MAN2C1: variants seen among roughly 807,000 people sequenced by gnomAD.
The protein encoded by MAN2C1 is alpha-mannosidase 2C1.
MAN2C1 carries 111 observed loss-of-function variants against 126.9 expected under a neutral mutation model. That is an observed-to-expected ratio of 0.87 (90% confidence interval 0.75 to 1.02). The LOEUF is 1.02. MAN2C1 is among the 50% of genes least tolerant of loss of function. The pLI, the probability that MAN2C1 is intolerant of heterozygous loss-of-function variation, is 0.00. For missense variants in MAN2C1, 1,363 were observed against 1,364.4 expected (o/e 1.00, Z 0.02); for synonymous variants, 567 against 561.5 (o/e 1.01, Z -0.14).
chr15:75,367,669 G>T (rs1555438338), intron 2 of MAN2C1, 35 bp from the exon 3 acceptor site: 1 of 1,613,152 alleles, frequency 6.2e-7, no homozygotes, highest in Non-Finnish European at 8.5e-7. Context: ...CCTAGAGGTA[G>T]AAGTCCTATC....
At position 75,362,789 on chromosome 15, in the gene MAN2C1, G is replaced by A. The variant is rs1489384718; in HGVS notation, c.791-41C>T. On this transcript the variant is annotated intron_variant, in intron 6 of 25. Coordinates refer to ENST00000267978, the MANE Select transcript of MAN2C1 (RefSeq NM_006715.4). This position sits in a 1 kb window ranked among gnomAD's most constrained non-coding sequence, Gnocchi z 4.5. ...GGTGGAGGACAGAGGGAGCAGCAAG[G>A]CTGACCAGGCCTGGGCTGGGACTCC... The A allele has an allele frequency of 6.4e-7, 1 of 1,564,050 alleles. No homozygotes were observed. The highest frequency in any genetic ancestry group is 1.7e-5 in the Admixed American group (1 of 59,532).
At position 75,356,611 on chromosome 15, in the gene MAN2C1, T is replaced by C. The variant is rs1256553700; in HGVS notation, c.2732A>G (p.His911Arg). 1 of 1,560,490 alleles carries C rather than the reference T, an allele frequency of 6.4e-7. No individual in the cohort carries two copies. The highest frequency in any genetic ancestry group is 1.4e-5 in the African/African-American group (1 of 73,736). The change falls in exon 23 of 26, where the codon CAC (histidine) becomes CGC (arginine). Residue 911 changes from histidine (H) to arginine (R), a missense_variant. His to Arg is a conservative substitution (Grantham distance 29). Transcript: ENST00000267978. This position sits in a 1 kb window ranked among gnomAD's most constrained non-coding sequence, Gnocchi z 5.8. ...CCACCGTCCCCAGCACTCACCCTTG[T>C]GCGGCATCAGTGCATAGGTGAACTC... ...RHEFTYALMP[H>R]KGSFQDAGVI...
rs763689053 is a variant in MAN2C1 at position 75,356,295 on chromosome 15, C to T, written c.2886+6G>A. 6.2e-7 allele frequency: 1 copy of T among 1,611,110 alleles called. No homozygotes were observed. Among genetic ancestry groups the T allele is most frequent in the Admixed American group, 1.7e-5 (1 of 59,688 alleles). On this transcript the variant is annotated splice_donor_region_variant and intron_variant, in intron 24 of 25. Transcript: ENST00000267978. The surrounding 1 kb of genome is among the most constrained non-coding windows in gnomAD (Gnocchi z 5.8). The stretch of plus-strand genomic sequence containing the variant: ...AACCCCGTCCCCAGCACGTCCCACC[C>T]CTTGCCTGCTTGACGGTCTCCAATA...
chr15:75,356,463 A>G lies in MAN2C1; in HGVS notation c.2738-14T>C, dbSNP rs751813753. The G allele has an allele frequency of 5.7e-6, 9 of 1,588,348 alleles. No individual in the cohort carries two copies. The highest frequency in any genetic ancestry group is 7.7e-6 in the Non-Finnish European group (9 of 1,168,802). Reference sequence around the variant, plus strand: ...CCTGGAAAGAGCCTGGGGTACGACCAGGAAACAATGCTGGTGGAGAATGGG... The same window carrying G: ...CCTGGAAAGAGCCTGGGGTACGACCGGGAAACAATGCTGGTGGAGAATGGG... On this transcript the variant is annotated splice_polypyrimidine_tract_variant and intron_variant, in intron 23 of 25. Transcript: ENST00000267978. This position sits in a 1 kb window ranked among gnomAD's most constrained non-coding sequence, Gnocchi z 5.8.
At position 75,364,093 on chromosome 15, in the gene MAN2C1, T is replaced by TG; in HGVS notation, c.695dup (p.Val233SerfsTer16). On this transcript the variant is annotated frameshift_variant, in exon 6 of 26. Transcript: ENST00000267978. LOFTEE classifies it high-confidence loss of function. ...ACCTGGAGGCCAGGGCCTGGGCCAC[T>TG]GGGAAGGTCTCGGGCTGGGCAGGGT... The TG allele has an allele frequency of 6.2e-7, 1 of 1,614,174 alleles. No homozygotes were observed. The highest frequency in any genetic ancestry group is 1.1e-5 in the South Asian group (1 of 91,088).
Position 75,356,710 on chromosome 15 carries a change from G to A in MAN2C1, c.2658-25C>T. The A allele has an allele frequency of 6.2e-7, 1 of 1,610,622 alleles. No homozygotes were observed. Among genetic ancestry groups the A allele is most frequent in the Non-Finnish European group, 8.5e-7 (1 of 1,178,534 alleles). On this transcript the variant is annotated intron_variant, in intron 22 of 25. Transcript: ENST00000267978. The surrounding 1 kb of genome is among the most constrained non-coding windows in gnomAD (Gnocchi z 5.8). ...GCTGGGGTGAGGAGGGCGCGTAGGG[G>A]CCACGCTGAAGCTGTTGGAGTTGTG...
In MAN2C1 at chr15:75,364,476, G is replaced by T; in HGVS notation, c.600+12C>A. On this transcript the variant is annotated intron_variant, in intron 5 of 25. Transcript: ENST00000267978. ...CTAGAGGGTAGCAGGGGGTACAGGG[G>T]GTGTCAAGTACCTTGGCTATGCCCA... The T allele has an allele frequency of 6.4e-7, 1 of 1,570,074 alleles. No individual in the cohort carries two copies. Among genetic ancestry groups the T allele is most frequent in the Non-Finnish European group, 8.6e-7 (1 of 1,156,810 alleles).
chr15:75,357,169 G>C (rs530259090), intron 21 of MAN2C1: 8 of 425,504 alleles, frequency 1.9e-5, no homozygotes, highest in South Asian at 8.6e-5. Context: ...TTTCACACAG[G>C]ATCTCAGTCT....
At chr15:75,365,562 T>TA in intron 4 of MAN2C1, 1 of 176,584 alleles carries the variant, frequency 5.7e-6, no homozygotes. Context: ...CCGTCTCTAC[T>TA]AAAAATACAA....
Position 75,356,906 on chromosome 15 carries a change from G to C in MAN2C1, c.2548-4C>G. The C allele has an allele frequency of 5.0e-6, 8 of 1,613,554 alleles. No individual in the cohort carries two copies. Among genetic ancestry groups the C allele is most frequent in the Non-Finnish European group, 6.8e-6 (8 of 1,179,602 alleles). Reference sequence around the variant, plus strand: ...CCATCCAGCGATGGGCCCACACCTGGAGGGCAGATCCAAGACCCACTTGGT... The same window carrying C: ...CCATCCAGCGATGGGCCCACACCTGCAGGGCAGATCCAAGACCCACTTGGT... On this transcript the variant is annotated splice_region_variant and splice_polypyrimidine_tract_variant and intron_variant, in intron 21 of 25. Coordinates refer to ENST00000267978, the MANE Select transcript of MAN2C1 (RefSeq NM_006715.4). This position sits in a 1 kb window ranked among gnomAD's most constrained non-coding sequence, Gnocchi z 5.8.
intron 19 of MAN2C1, 29 bp downstream of exon 19, chr15:75,358,675 A>C (rs1429283883): frequency 1.6e-6 from 2 of 1,254,064 alleles, no homozygotes. Context: ...CACCACCTCC[A>C]CCATCCCCAC....
chr15:75,358,278 C>A lies in MAN2C1; in HGVS notation c.2470G>T (p.Ala824Ser). The A allele has an allele frequency of 6.2e-7, 1 of 1,614,150 alleles. No individual in the cohort carries two copies. Among genetic ancestry groups the A allele is most frequent in the South Asian group, 1.1e-5 (1 of 91,080 alleles). Residue 824 changes from alanine (A) to serine (S), a missense_variant, in exon 21 of 26, where the codon GCC (alanine) becomes TCC (serine). By Grantham distance (99) the Ala-to-Ser change is moderately conservative. This residue lies in a region of MAN2C1 where 668 missense variants were observed against 650.1 expected (regional missense o/e 1.03). Transcript: ENST00000267978. ...TGCCCAAACTGGATCTCATAGGTGG[C>A]CTGGGAACTCCGCACGCGAGCAGGG... is the stretch of plus-strand genomic sequence containing the variant. Reference protein sequence around the residue: ...EFPARVRSSQATYEIQFGHLQ... With the variant: ...EFPARVRSSQSTYEIQFGHLQ...
rs770162320 is a variant in MAN2C1, at chr15:75,361,839, G to A, written c.1101+16C>T. 6.2e-7 allele frequency: 1 copy of A among 1,611,908 alleles called. No homozygotes were observed. ...CCCCACTCGCCCACAGCCTGGTGTA[G>A]CAGCTCTCAGCCTACCTCAGAGCAC... On this transcript the variant is annotated intron_variant, in intron 9 of 25. Transcript: ENST00000267978. The surrounding 1 kb of genome is among the most constrained non-coding windows in gnomAD (Gnocchi z 5.0).
At position 75,360,155 on chromosome 15, in the gene MAN2C1, A is replaced by G; in HGVS notation, c.1641T>C (p.Ser547=). The change falls in exon 14 of 26, where the codon AGT becomes AGC. Residue 547 remains serine (S), a synonymous_variant. Coordinates refer to ENST00000267978, the MANE Select transcript of MAN2C1 (RefSeq NM_006715.4). ...GGGCACTGCGGGCCAGGGCCAGGCTACTGAGCAGCTCCACGTCGTGCAGGA... is the reference window on the plus strand; with the variant it reads ...GGGCACTGCGGGCCAGGGCCAGGCTGCTGAGCAGCTCCACGTCGTGCAGGA... The part of the protein sequence containing the change: ...ERILHDVELL[S]SLALARSAQF... 1.9e-6 allele frequency: 3 copies of G among 1,613,554 alleles called. No homozygotes were observed. Among genetic ancestry groups the G allele is most frequent in the Non-Finnish European group, 2.5e-6 (3 of 1,179,984 alleles).
chr15:75,368,332 A>G (rs2072631412), intron 1 of MAN2C1, 134 bp from the exon 2 acceptor site: 2 of 1,430,788 alleles, frequency 1.4e-6, no homozygotes, highest in East Asian at 2.5e-5. Context: ...GGCACAGTCC[A>G]TTCCCTACCC....
At position 75,361,343 on chromosome 15, in the gene MAN2C1, A is replaced by C. The variant is rs757832299; in HGVS notation, c.1257T>G (p.Arg419=). Residue 419 remains arginine (R), a synonymous_variant, in exon 11 of 26, where the codon CGT becomes CGG. Transcript: ENST00000267978. This position sits in a 1 kb window ranked among gnomAD's most constrained non-coding sequence, Gnocchi z 5.0. ...TFFWEGLDGS[R]VLVHFPPGDS... ...CGCCAGGTGGGAAGTGGACCAGTAC[A>C]CGGGAGCCATCCAGGCCCTCCCAGA... 1.1e-5 allele frequency: 18 copies of C among 1,567,214 alleles called. No individual in the cohort carries two copies. The highest frequency in any genetic ancestry group is 1.6e-5 in the Non-Finnish European group (18 of 1,155,478).
At chr15:75,365,032 A>G (rs2141338531) in intron 4 of MAN2C1, among the ~76,000 whole-genome samples, 1 of 152,362 alleles carries the variant, frequency 6.6e-6, no homozygotes, top group Admixed American at 6.5e-5. Flanking sequence ...CCCAAGATCT[A>G]AAACCAACAC....
In MAN2C1 at chr15:75,359,766, G is replaced by A. The variant is rs1460624024; in HGVS notation, c.1802C>T (p.Ser601Phe). 1 of 1,613,874 alleles carries A rather than the reference G, an allele frequency of 6.2e-7. No homozygotes were observed. The highest frequency in any genetic ancestry group is 8.5e-7 in the Non-Finnish European group (1 of 1,180,014). ...EAMCHYEDIRSHGNTLLSAAA... is the reference protein window; with the variant it reads ...EAMCHYEDIRFHGNTLLSAAA... ...AGCGCTGAGCAGTGTATTGCCATGG[G>A]AACGGATGTCTGAGGAAAGACTGGC... Residue 601 changes from serine (S) to phenylalanine (F), a missense_variant, in exon 16 of 26, where the codon TCC (serine) becomes TTC (phenylalanine). Transcript: ENST00000267978.
chr15:75,367,699 A>G, intron 2 of MAN2C1, 65 bp from the exon 3 acceptor site: 5 of 1,594,512 alleles, frequency 3.1e-6, no homozygotes, highest in Non-Finnish European at 3.4e-6. Flanking sequence ...TTCCTTGGAT[A>G]AAGTGTCGGC....
Sources: allele counts gnomAD v4.1 joint callset (sites outside exome capture counted in the v4.1 genomes callset), GRCh38; gene constraint gnomAD v4.1.1; regional missense constraint gnomAD v4.1.1; non-coding constraint Gnocchi (gnomAD v3.1); transcripts MANE v1.5; gene names NCBI Gene and HGNC (gene_info 2026-07-23, HGNC 2026-07-21).